The following KBTBD11 variants were observed in gnomAD, a reference collection of about 807,000 sequenced individuals.
KBTBD11 encodes the protein kelch repeat and BTB domain containing 11, also known as kelch repeat and BTB domain-containing protein 11.
For missense variants in KBTBD11, 1,390 were observed against 1,001.8 expected (o/e 1.39, Z -5.23); for synonymous variants, 747 against 499.0 (o/e 1.50, Z -6.63).
At chr8:1,992,910 G>T (rs1021061747) in intron 1 of KBTBD11, among the ~76,000 whole-genome samples, 1 of 151,180 alleles carries the variant, frequency 6.6e-6, no homozygotes. Context: ...GCCATTCTTT[G>T]TGTAGTTTAA....
intron 1 of KBTBD11, among the ~76,000 whole-genome samples, chr8:1,983,091 T>G (rs972740634): frequency 2.0e-5 from 3 of 152,146 alleles, no homozygotes; most frequent in Non-Finnish European, 4.4e-5. Context: ...TGCCACATGT[T>G]GGGTGTGTGT....
chr8:2,002,807 G>T lies in KBTBD11; in HGVS notation c.1615G>T (p.Ala539Ser). 4 of 1,437,268 alleles carry T rather than the reference G, an allele frequency of 2.8e-6. No homozygotes were observed. Among genetic ancestry groups the T allele is most frequent in the Non-Finnish European group, 2.7e-6 (3 of 1,103,980 alleles). The allele number at this position is 1,437,268 out of a possible 1,614,324, so 89.0% of individuals were successfully genotyped here. A position where few individuals can be genotyped will look rare whatever the true frequency, so the allele number is the denominator to read the frequency against. The change falls in exon 2 of 2, where the codon GCG becomes TCG. Residue 539 changes from alanine to serine, a missense_variant. Physicochemically the swap from Ala to Ser is moderately conservative, Grantham distance 99 (BLOSUM62 1). Transcript: ENST00000320248. This position sits in a 1 kb window ranked among gnomAD's most constrained non-coding sequence, Gnocchi z 4.1. Reference sequence around the variant, plus strand: ...GGCCAAGCAGTGGAGCCCGTGCGTCGCGCCCCTGCGCCTCCCCGGCGGCCC... The same window carrying T: ...GGCCAAGCAGTGGAGCCCGTGCGTCTCGCCCCTGCGCCTCCCCGGCGGCCC... ...CLAKQWSPCV[A>S]PLRLPGGPTG...
rs1486488459 is a variant in KBTBD11, at chr8:2,003,917, C to G, written c.*853C>G. 1 of 166,924 alleles carries G rather than the reference C, an allele frequency of 6.0e-6. No individual in the cohort carries two copies. Among genetic ancestry groups the G allele is most frequent in the East Asian group, 1.9e-4 (1 of 5,210 alleles). 10.3% of individuals were successfully genotyped at this position (166,924 alleles called of 1,614,324 possible). On this transcript the variant is annotated 3_prime_UTR_variant, in exon 2 of 2. Coordinates refer to ENST00000320248, the MANE Select transcript of KBTBD11 (RefSeq NM_014867.3). The stretch of plus-strand genomic sequence containing the variant: ...CTAAAAAGCAATCTTTGATAGTCCA[C>G]TCTGTATGCCCAGCCGCTTTCATAA...
At chr8:1,993,948 C>CACACACACACAAA (rs2082295384) in intron 1 of KBTBD11, among the ~76,000 whole-genome samples, 1 of 151,436 alleles carries the variant, frequency 6.6e-6, no homozygotes, top group African/African-American at 2.4e-5. Context: ...CACACACACA[C>CACACACACACAAA]ACACACACAC....
intron 1 of KBTBD11, among the ~76,000 whole-genome samples, chr8:1,975,679 G>T (rs1816313428): frequency 6.6e-6 from 1 of 152,214 alleles, no homozygotes; most frequent in East Asian, 1.9e-4. Context: ...CATTGGGCTT[G>T]GGAGGAGGGG....
chr8:1,989,923 G>GTTT (rs5888896), intron 1 of KBTBD11, among the ~76,000 whole-genome samples: 1,293 of 71,736 alleles, frequency 0.018, 190 homozygotes, highest in Admixed American at 0.055. Flanking sequence ...GTCTCAGGTG[G>GTTT]TTTTTTTTTT....
chr8:1,985,322 A>G (rs1163928698), intron 1 of KBTBD11, among the ~76,000 whole-genome samples: 2 of 152,276 alleles, frequency 1.3e-5, no homozygotes, highest in Admixed American at 1.3e-4. Context: ...GCTTCTCTGC[A>G]GAGAGGCAGC....
intron 1 of KBTBD11, among the ~76,000 whole-genome samples, chr8:1,977,612 C>T (rs543225311): frequency 1.3e-5 from 2 of 152,298 alleles, no homozygotes; most frequent in African/African-American, 4.8e-5. Context: ...CAACCTCCGC[C>T]TCCAGGGTTC....
At chr8:1,980,244 T>TTTC in intron 1 of KBTBD11, among the ~76,000 whole-genome samples, 1 of 151,190 alleles carries the variant, frequency 6.6e-6, no homozygotes, top group Non-Finnish European at 1.5e-5. Context: ...TTTTTTTTTT[T>TTTC]TGAGATGGGG....
In KBTBD11 at chr8:2,001,350, C is replaced by A; in HGVS notation, c.158C>A (p.Ser53Tyr). ...FSSGEESPPQ[S>Y]LASAAEGAAT... ...TCCGGGGAAGAGTCCCCGCCGCAGT[C>A]CCTCGCCTCAGCGGCGGAAGGCGCG... The change falls in exon 2 of 2, where the codon TCC (serine) becomes TAC (tyrosine). Residue 53 changes from serine to tyrosine, a missense_variant. Transcript: ENST00000320248. The A allele has an allele frequency of 6.7e-7, 1 of 1,497,582 alleles. No individual in the cohort carries two copies. Among genetic ancestry groups the A allele is most frequent in the African/African-American group, 1.4e-5 (1 of 69,228 alleles). The allele number at this position is 1,497,582 out of a possible 1,614,324, so 92.8% of individuals were successfully genotyped here.
chr8:1,980,833 C>A lies in KBTBD11; in HGVS notation c.-909+6898C>A, dbSNP rs908783675. Among the ~76,000 whole-genome samples the A allele has an allele frequency of 2.0e-5, 3 of 152,226 alleles. No homozygotes were observed. In the East Asian group the frequency reaches 5.8e-4, roughly 29 times the overall value. ...GATGAATGCCTTACCGTTTTCGGCA[C>A]GACTTTAACAATCTGCTCAAGCTGA... On this transcript the variant is annotated intron_variant, in intron 1 of 1. Coordinates refer to ENST00000320248, the MANE Select transcript of KBTBD11 (RefSeq NM_014867.3).
At position 2,002,851 on chromosome 8, in the gene KBTBD11, C is replaced by A; in HGVS notation, c.1659C>A (p.Phe553Leu). Residue 553 changes from phenylalanine (F) to leucine (L), a missense_variant, in exon 2 of 2, where the codon TTC becomes TTA. By Grantham distance (22) the Phe-to-Leu change is conservative (BLOSUM62 0). Transcript: ENST00000320248. This position sits in a 1 kb window ranked among gnomAD's most constrained non-coding sequence, Gnocchi z 4.1. The stretch of plus-strand genomic sequence containing the variant: ...GCGGCCCCACGGGCCTGCAGCCCTT[C>A]CGCTGCGCCGCCCTGGACGGCGCCA... ...LPGGPTGLQP[F>L]RCAALDGAIY... The A allele has an allele frequency of 7.2e-7, 1 of 1,398,006 alleles. No homozygotes were observed. Among genetic ancestry groups the A allele is most frequent in the African/African-American group, 1.5e-5 (1 of 65,660 alleles). 86.6% of individuals were successfully genotyped at this position (1,398,006 alleles called of 1,614,324 possible). A position where few individuals can be genotyped will look rare whatever the true frequency, so the allele number is the denominator to read the frequency against.
chr8:1,977,008 C>T (rs547954992), intron 1 of KBTBD11, among the ~76,000 whole-genome samples: 5 of 151,982 alleles, frequency 3.3e-5, no homozygotes, highest in African/African-American at 1.2e-4. Context: ...CCATGGGCCA[C>T]GAGCCACATG....
intron 1 of KBTBD11, among the ~76,000 whole-genome samples, chr8:1,976,959 A>G (rs1816368016): frequency 6.6e-6 from 1 of 152,172 alleles, no homozygotes; most frequent in Non-Finnish European, 1.5e-5. Context: ...GCTGAGTTAA[A>G]TTGATGGAGC....
At chr8:1,980,605 C>T (rs1360185916) in intron 1 of KBTBD11, among the ~76,000 whole-genome samples, 2 of 152,214 alleles carry the variant, frequency 1.3e-5, no homozygotes, top group Admixed American at 6.5e-5. Flanking sequence ...TGGGGGATGC[C>T]ACGTGCTTCT....
In KBTBD11 at chr8:2,002,740, G is replaced by T. The variant is rs745483910; in HGVS notation, c.1548G>T (p.Ala516=). Residue 516 remains alanine (A), a synonymous_variant, in exon 2 of 2, where the codon GCG becomes GCT. Transcript: ENST00000320248. This position sits in a 1 kb window ranked among gnomAD's most constrained non-coding sequence, Gnocchi z 4.1. ...DLSGSRGEAQ[A]AGPSGVSVSR... ...GCGGCAGCCGCGGCGAGGCGCAGGC[G>T]GCGGGGCCGAGCGGGGTCAGCGTGT... 1 of 1,500,338 alleles carries T rather than the reference G, an allele frequency of 6.7e-7. No individual in the cohort carries two copies. The highest frequency in any genetic ancestry group is 8.8e-7 in the Non-Finnish European group (1 of 1,131,772). 92.9% of individuals were successfully genotyped at this position (1,500,338 alleles called of 1,614,324 possible).
intron 1 of KBTBD11, among the ~76,000 whole-genome samples, chr8:1,996,523 C>T (rs1817149380): frequency 6.6e-6 from 1 of 152,162 alleles, no homozygotes; most frequent in Admixed American, 6.5e-5. Context: ...CCACCTCGGC[C>T]TCCCAAAGTG....
At chr8:1,981,084 A>G (rs1440924824) in intron 1 of KBTBD11, among the ~76,000 whole-genome samples, 1 of 152,230 alleles carries the variant, frequency 6.6e-6, no homozygotes, top group Non-Finnish European at 1.5e-5. Flanking sequence ...TGAGCCTGTC[A>G]GTGAATTTCA....
chr8:2,001,564 G>T lies in KBTBD11; in HGVS notation c.372G>T (p.Gly124=). 1 of 1,441,858 alleles carries T rather than the reference G, an allele frequency of 6.9e-7. No homozygotes were observed. Among genetic ancestry groups the T allele is most frequent in the East Asian group, 3.1e-5 (1 of 32,778 alleles). 89.3% of individuals were successfully genotyped at this position (1,441,858 alleles called of 1,614,324 possible). ...LEDPASPEEP[G]EPAPVPPGFG... ...ACCCCGCGTCCCCCGAGGAGCCCGGGGAGCCCGCGCCCGTACCCCCGGGGT... is the reference window on the plus strand; with the variant it reads ...ACCCCGCGTCCCCCGAGGAGCCCGGTGAGCCCGCGCCCGTACCCCCGGGGT... The change falls in exon 2 of 2, where the codon GGG becomes GGT. Residue 124 remains glycine, a synonymous_variant. Transcript: ENST00000320248.
Sources: allele counts gnomAD v4.1 joint callset (sites outside exome capture counted in the v4.1 genomes callset), GRCh38; gene constraint gnomAD v4.1.1; non-coding constraint Gnocchi (gnomAD v3.1); transcripts MANE v1.5; gene names NCBI Gene and HGNC (gene_info 2026-07-23, HGNC 2026-07-21).